The following DENND6A variants were observed in gnomAD, a reference collection of about 807,000 sequenced individuals.
DENND6A encodes DENN domain containing 6A, also known as protein DENND6A.
Under a neutral mutation model 95.5 loss-of-function variants are expected in DENND6A, and 43 were observed. The observed-to-expected ratio is 0.45, with a 90% CI of 0.35 to 0.58. The LOEUF is 0.58. Ranked by LOEUF, DENND6A falls within the 20% of genes least tolerant of loss-of-function variation. DENND6A has a pLI of 0.00. For synonymous variants in DENND6A, 257 were observed against 260.4 expected, an observed-to-expected ratio of 0.99 and a Z score of 0.13; for missense variants, 574 against 736.0, an observed-to-expected ratio of 0.78 and a Z score of 2.55.
chr3:57,673,822 G>A (rs1018102860), intron 1 of DENND6A, among the ~76,000 whole-genome samples: 8 of 152,036 alleles, frequency 5.3e-5, no homozygotes, highest in African/African-American at 1.7e-4. Context: ...TTGGCTTACT[G>A]TAACCTCCAC....
intron 1 of DENND6A, among the ~76,000 whole-genome samples, chr3:57,680,975 G>A (rs919382101): frequency 3.3e-5 from 5 of 152,100 alleles, no homozygotes; most frequent in Admixed American, 2.6e-4. Context: ...AAACAGTTAT[G>A]GAAGTTTCTC....
rs372018806 is a variant in DENND6A at position 57,666,091 on chromosome 3, C to T, written c.432+32G>A. 5.7e-6 allele frequency: 9 copies of T among 1,570,434 alleles called. No homozygotes were observed. In the African/African-American group the frequency reaches 1.1e-4, roughly 19 times the overall value. ...AAATGAGTTCTAAAGTTTCCTCTCACATGGACATTTTCCTATGACTACTTT... is the reference window on the plus strand; with the variant it reads ...AAATGAGTTCTAAAGTTTCCTCTCATATGGACATTTTCCTATGACTACTTT... On this transcript the variant is annotated intron_variant, in intron 4 of 19. Transcript: ENST00000311128.
chr3:57,690,511 ACTCT>A (rs1003346024), intron 1 of DENND6A, among the ~76,000 whole-genome samples: 17 of 150,870 alleles, frequency 1.1e-4, no homozygotes, highest in African/African-American at 1.7e-4. Context: ...ACAGAGCAAG[ACTCT>A]CTCTCTCAAA....
rs2077249914 is a variant in DENND6A, at chr3:57,690,233, C to T, written c.237+2549G>A. On this transcript the variant is annotated intron_variant, in intron 1 of 19. Transcript: ENST00000311128. The stretch of plus-strand genomic sequence containing the variant: ...CAAAATTAGCTGGGCAGGCCAGGCG[C>T]GGTGGCTCATGCCTGTAATCCCAGC... 2.6e-5 allele frequency among the ~76,000 whole-genome samples: 4 copies of T among 151,896 alleles called. No individual in the cohort carries two copies. In the South Asian group the frequency reaches 6.2e-4, roughly 24 times the overall value.
In DENND6A at chr3:57,630,986, C is replaced by G. The variant is rs370243248; in HGVS notation, c.1354-8G>C. ...GCTTGCCACATATCTTTCCTAAAAC[C>G]AAGAAAAAAGTTAATAAAAGGAGTG... is the stretch of plus-strand genomic sequence containing the variant. On this transcript the variant is annotated splice_region_variant and splice_polypyrimidine_tract_variant and intron_variant, in intron 15 of 19. Transcript: ENST00000311128. 6.2e-7 allele frequency: 1 copy of G among 1,608,704 alleles called. No homozygotes were observed. The highest frequency in any genetic ancestry group is 8.5e-7 in the Non-Finnish European group (1 of 1,178,694).
intron 15 of DENND6A, among the ~76,000 whole-genome samples, chr3:57,631,714 C>G (rs956371185): frequency 3.5e-5 from 5 of 143,082 alleles, no homozygotes; most frequent in Non-Finnish European, 6.1e-5. Flanking sequence ...GGTCTCTGCT[C>G]TCTTTTTTTT....
chr3:57,692,804 A>G lies in DENND6A; in HGVS notation c.215T>C (p.Leu72Pro), dbSNP rs1444739008. ...CACCTCCACGGCCTGGCCCAGCTCC[A>G]GGTCGAAGCCCACCACACACACGCA... is the stretch of plus-strand genomic sequence containing the variant. ...LHCVCVVGFD[L>P]ELGQAVEVIY... Residue 72 changes from leucine (L) to proline (P), a missense_variant, in exon 1 of 20, where the codon CTG becomes CCG. Around this residue, in one of 2 missense-constraint regions of DENND6A, gnomAD observed 122 missense variants for 105.1 expected, o/e 1.16. Coordinates refer to ENST00000311128, the MANE Select transcript of DENND6A (RefSeq NM_152678.3). 1.3e-6 allele frequency: 2 copies of G among 1,557,124 alleles called. No individual in the cohort carries two copies. Among genetic ancestry groups the G allele is most frequent in the Non-Finnish European group, 1.7e-6 (2 of 1,156,312 alleles).
rs191333489 is a variant in DENND6A at position 57,678,710 on chromosome 3, T to A, written c.238-6272A>T. ...TGAGGACATAGCAAGAACACAGCCATCTGCAAGCCAGGAAGAGGACCCTCA... is the reference window on the plus strand; with the variant it reads ...TGAGGACATAGCAAGAACACAGCCAACTGCAAGCCAGGAAGAGGACCCTCA... On this transcript the variant is annotated intron_variant, in intron 1 of 19. Transcript: ENST00000311128. Among the ~76,000 whole-genome samples the A allele has an allele frequency of 3.9e-5, 6 of 152,324 alleles. No individual in the cohort carries two copies. The South Asian group carries it at 1.0e-3, about 26-fold the overall frequency.
chr3:57,661,910 G>T (rs1415248058), intron 5 of DENND6A, among the ~76,000 whole-genome samples: 2 of 152,012 alleles, frequency 1.3e-5, no homozygotes, highest in Non-Finnish European at 2.9e-5. Context: ...AGTAAATTTT[G>T]ATACTTTTCC....
intron 9 of DENND6A, among the ~76,000 whole-genome samples, chr3:57,649,555 C>T (rs2071150458): frequency 6.7e-6 from 1 of 150,090 alleles, no homozygotes; most frequent in Non-Finnish European, 1.5e-5. Context: ...GATTCTTGCA[C>T]ATGCATGTTT....
In DENND6A at chr3:57,692,770, G is replaced by C; in HGVS notation, c.237+12C>G. On this transcript the variant is annotated intron_variant, in intron 1 of 19. Transcript: ENST00000311128. ...GGGAGGAGCGCCGAGAAAGGGCGGG[G>C]CCGGGCCTCACCTCCACGGCCTGGC... 1 of 1,481,242 alleles carries C rather than the reference G, an allele frequency of 6.8e-7. No individual in the cohort carries two copies. Among genetic ancestry groups the C allele is most frequent in the Non-Finnish European group, 8.9e-7 (1 of 1,121,528 alleles). The allele number at this position is 1,481,242 out of a possible 1,614,324, so 91.8% of individuals were successfully genotyped here.
chr3:57,676,375 TAAAAAAA>T (rs35465829), intron 1 of DENND6A, among the ~76,000 whole-genome samples: 4 of 87,352 alleles, frequency 4.6e-5, no homozygotes, highest in East Asian at 3.6e-4. Context: ...TAAGATTATT[TAAAAAAA>T]AAAAAAAAAA....
chr3:57,678,430 A>G (rs938400345), intron 1 of DENND6A, among the ~76,000 whole-genome samples: 2 of 152,166 alleles, frequency 1.3e-5, no homozygotes, highest in Non-Finnish European at 2.9e-5. Context: ...ATAGTTTAAG[A>G]TAAGATTTTT....
intron 1 of DENND6A, among the ~76,000 whole-genome samples, chr3:57,675,726 A>T (rs1319996867): frequency 6.6e-6 from 1 of 152,230 alleles, no homozygotes; most frequent in Non-Finnish European, 1.5e-5. Flanking sequence ...CACACACTCT[A>T]CAAGCCAACC....
chr3:57,657,556 T>A, intron 9 of DENND6A, 124 bp downstream of exon 9: 3 of 633,008 alleles, frequency 4.7e-6, no homozygotes, highest in Non-Finnish European at 8.3e-6. Context: ...ATTTATAACA[T>A]GTAAAACATA....
intron 14 of DENND6A, 53 bp from the exon 15 acceptor site, chr3:57,633,407 A>G (rs1296537106): frequency 7.2e-7 from 1 of 1,391,708 alleles, no homozygotes; most frequent in African/African-American, 1.4e-5. Context: ...ATATAAAACA[A>G]TGGATAACTA....
At chr3:57,646,662 A>C (rs891504367) in intron 9 of DENND6A, among the ~76,000 whole-genome samples, 4 of 152,208 alleles carry the variant, frequency 2.6e-5, no homozygotes, top group African/African-American at 7.2e-5. Context: ...AATTTTTACA[A>C]AATTAAATGT....
At chr3:57,632,723 T>TAGG (rs2070713447) in intron 15 of DENND6A, among the ~76,000 whole-genome samples, 1 of 152,212 alleles carries the variant, frequency 6.6e-6, no homozygotes, top group Non-Finnish European at 1.5e-5. Flanking sequence ...TACTTTAATA[T>TAGG]GACATCCTTC....
Position 57,685,080 on chromosome 3 carries a change from A to AT in DENND6A, c.237+7701dup, listed in dbSNP as rs555883578. ...AGGTATGCGCCACCATGCCTGGCTA[A>AT]TTTTTTTTTTTTTTTGTATTTTTAG... On this transcript the variant is annotated intron_variant, in intron 1 of 19. Coordinates refer to ENST00000311128, the MANE Select transcript of DENND6A (RefSeq NM_152678.3). Among the ~76,000 whole-genome samples the AT allele has an allele frequency of 3.7e-3, 520 of 142,438 alleles. 1 individual carries two copies. The highest frequency in any genetic ancestry group is 4.9e-3 in the East Asian group (24 of 4,872). 93.4% of individuals were successfully genotyped at this position (142,438 alleles called of 152,430 possible).
Sources: gnomAD v4.1 joint callset for allele counts (sites outside exome capture counted in the v4.1 genomes callset) on GRCh38, gnomAD v4.1.1 for gene constraint, gnomAD v4.1.1 regional missense constraint, MANE v1.5 for transcripts, NCBI Gene and HGNC (gene_info 2026-07-23, HGNC 2026-07-21) for gene names.